Variants in TERB2 observed in about 807,000 individuals in gnomAD.
TERB2 encodes the protein telomere repeat binding bouquet formation protein 2.
TERB2 carries 26 observed loss-of-function variants against 29.8 expected under a neutral mutation model. That is an observed-to-expected ratio of 0.87 (90% CI 0.64 to 1.21). TERB2 has a LOEUF of 1.21. Ranked by LOEUF, TERB2 falls within the 50% of genes most tolerant of loss-of-function variation. TERB2 has a pLI of 0.00. For synonymous variants in TERB2, 80 were observed against 90.8 expected, an observed-to-expected ratio of 0.88 and a Z score of 0.68; for missense variants, 240 against 268.6, an observed-to-expected ratio of 0.89 and a Z score of 0.74.
Position 44,975,707 on chromosome 15 carries a change from C to T in TERB2, c.523+1752C>T, listed in dbSNP as rs534838099. Reference sequence around the variant, plus strand: ...CCCACTAGATACCAATAGCATCACCCATCTCTCCCCCAGTTGTGACAACCA... The same window carrying T: ...CCCACTAGATACCAATAGCATCACCTATCTCTCCCCCAGTTGTGACAACCA... On this transcript the variant is annotated intron_variant, in intron 6 of 6. Transcript: ENST00000340827. 3.3e-5 allele frequency among the ~76,000 whole-genome samples: 5 copies of T among 152,068 alleles called. No homozygotes were observed. In the East Asian group the frequency reaches 9.7e-4, roughly 29 times the overall value.
chr15:44,962,734 A>G (rs1382983609), intron 4 of TERB2: 1 of 152,248 alleles, frequency 6.6e-6, no homozygotes, highest in Non-Finnish European at 1.5e-5. Context: ...GACTTACTTC[A>G]AAATCTTTAA....
intron 6 of TERB2, among the ~76,000 whole-genome samples, chr15:44,975,173 T>A (rs1595479603): frequency 6.6e-6 from 1 of 152,206 alleles, no homozygotes; most frequent in African/African-American, 2.4e-5. Flanking sequence ...AAAGTAAAAA[T>A]TTTTAATCTT....
chr15:44,973,862 T>C lies in TERB2; in HGVS notation c.435-5T>C. ...GTGTGACTTTCTGTATGCTTTATTT[T>C]ACAGCCCAGAAAAGCATTTTATAAG... On this transcript the variant is annotated splice_polypyrimidine_tract_variant and splice_region_variant and intron_variant, in intron 5 of 6. Transcript: ENST00000340827. 1 of 1,576,820 alleles carries C rather than the reference T, an allele frequency of 6.3e-7. No individual in the cohort carries two copies. Among genetic ancestry groups the C allele is most frequent in the Non-Finnish European group, 8.6e-7 (1 of 1,159,288 alleles).
intron 2 of TERB2, among the ~76,000 whole-genome samples, 182 bp from the exon 3 acceptor site, chr15:44,958,191 T>C (rs1213872983): frequency 6.6e-6 from 1 of 152,240 alleles, no homozygotes; most frequent in Non-Finnish European, 1.5e-5. Flanking sequence ...GTGCCAGATA[T>C]AGGCCCCCAG....
intron 5 of TERB2, among the ~76,000 whole-genome samples, chr15:44,972,242 C>T (rs1265009864): frequency 1.1e-4 from 16 of 151,866 alleles, no homozygotes; most frequent in Admixed American, 2.6e-4. Flanking sequence ...CCACCCGCCT[C>T]GGCCTCCCAA....
intron 4 of TERB2, among the ~76,000 whole-genome samples, chr15:44,962,515 A>G (rs1181869224): frequency 6.6e-6 from 1 of 152,126 alleles, no homozygotes; most frequent in African/African-American, 2.4e-5. Context: ...CTGCCAGTGT[A>G]GACTCTGATT....
intron 1 of TERB2, 55 bp downstream of exon 1, chr15:44,956,837 C>T (rs1891722522): frequency 1.9e-6 from 3 of 1,609,506 alleles, no homozygotes; most frequent in South Asian, 1.1e-5. Context: ...ATCCTCCTCT[C>T]TCTGATGCTT....
intron 3 of TERB2, among the ~76,000 whole-genome samples, chr15:44,959,506 TACAGGCGCCCACCACC>T (rs1470000716): frequency 6.6e-6 from 1 of 152,120 alleles, no homozygotes; most frequent in African/African-American, 2.4e-5. Context: ...TAGCTGGGAC[TACAGGCGCCCACCACC>T]ACACCCGGCT....
intron 4 of TERB2, among the ~76,000 whole-genome samples, chr15:44,964,971 G>A (rs899494697): frequency 1.3e-5 from 2 of 151,750 alleles, no homozygotes; most frequent in African/African-American, 4.8e-5. Flanking sequence ...AAACCAACCT[G>A]GGCAACATGG....
At position 44,973,883 on chromosome 15, in the gene TERB2, A is replaced by G. The variant is rs762360257; in HGVS notation, c.451A>G (p.Ile151Val). The change falls in exon 6 of 7, where the codon ATA becomes GTA. Residue 151 changes from isoleucine to valine, a missense_variant. Physicochemically the swap from Ile to Val is conservative, Grantham distance 29. Transcript: ENST00000340827. ...ELSKSPEKHF[I>V]RTPVVEKQMY... ...ATTTTACAGCCCAGAAAAGCATTTT[A>G]TAAGAACTCCAGTTGTAGAAAAGCA... 1.9e-6 allele frequency: 3 copies of G among 1,595,360 alleles called. No homozygotes were observed. Among genetic ancestry groups the G allele is most frequent in the Non-Finnish European group, 2.6e-6 (3 of 1,169,492 alleles).
At position 44,956,722 on chromosome 15, in the gene TERB2, T is replaced by C; in HGVS notation, c.4T>C (p.Phe2Leu). The C allele has an allele frequency of 1.2e-6, 2 of 1,604,766 alleles. No homozygotes were observed. The highest frequency in any genetic ancestry group is 1.7e-6 in the Non-Finnish European group (2 of 1,176,200). M[F>L]QGQRGWFCGS... ...TCTCCACAGGCTTGGCGACGCCATG[T>C]TTCAAGGGCAGCGCGGTTGGTTTTG... The change falls in exon 1 of 7, where the codon TTT becomes CTT. Residue 2 changes from phenylalanine (F) to leucine (L), a missense_variant. Coordinates refer to ENST00000340827, the MANE Select transcript of TERB2 (RefSeq NM_152448.3).
At chr15:44,968,076 CCTG>C (rs1267722349) in intron 5 of TERB2, among the ~76,000 whole-genome samples, 3 of 132,164 alleles carry the variant, frequency 2.3e-5, no homozygotes, top group African/African-American at 9.0e-5. Flanking sequence ...CCTCAATTTA[CCTG>C]CTGAAGCATT....
At chr15:44,964,171 A>T (rs756088970) in intron 4 of TERB2, among the ~76,000 whole-genome samples, 2 of 152,258 alleles carry the variant, frequency 1.3e-5, no homozygotes, top group East Asian at 3.9e-4. Context: ...AGTTAGGGAG[A>T]AAATCTTTCA....
intron 5 of TERB2, among the ~76,000 whole-genome samples, chr15:44,969,853 G>T (rs1286245870): frequency 6.6e-6 from 1 of 151,282 alleles, no homozygotes; most frequent in Non-Finnish European, 1.5e-5. Flanking sequence ...TGGAGCTGGA[G>T]GGTATTCTTT....
rs1317515201 is a variant in TERB2, at chr15:44,965,459, G to GAT, written c.349-690_349-689dup. Among the ~76,000 whole-genome samples, 8 of 137,766 alleles carry GAT rather than the reference G, an allele frequency of 5.8e-5. No individual in the cohort carries two copies. In the South Asian group the frequency reaches 6.6e-4, roughly 11 times the overall value. 90.4% of individuals were successfully genotyped at this position (137,766 alleles called of 152,430 possible). ...AAATATATAAATATATATTTATAAA[G>GAT]ATATATATATTTATAAAGATATATA... On this transcript the variant is annotated intron_variant, in intron 4 of 6. Coordinates refer to ENST00000340827, the MANE Select transcript of TERB2 (RefSeq NM_152448.3).
At chr15:44,969,449 T>A (rs1228376271) in intron 5 of TERB2, among the ~76,000 whole-genome samples, 1 of 151,998 alleles carries the variant, frequency 6.6e-6, no homozygotes, top group Admixed American at 6.6e-5. Context: ...CTCACTATGC[T>A]GCTGAGGCTG....
At chr15:44,968,583 C>T (rs1595477563) in intron 5 of TERB2, among the ~76,000 whole-genome samples, 1 of 139,886 alleles carries the variant, frequency 7.1e-6, no homozygotes, top group Non-Finnish European at 1.5e-5. Flanking sequence ...TTTTGTTTAA[C>T]CTTTTTTTTT....
rs1281185422 is a variant in TERB2, at chr15:44,965,615, T to C, written c.349-543T>C. On this transcript the variant is annotated intron_variant, in intron 4 of 6. Transcript: ENST00000340827. ...TATAGATTTATATATTTAATAGATA[T>C]ATAAATATATATCTATATAAAGATA... Among the ~76,000 whole-genome samples the C allele has an allele frequency of 3.5e-5, 5 of 144,538 alleles. 1 individual carries two copies. Among genetic ancestry groups the C allele is most frequent in the Non-Finnish European group, 6.0e-5 (4 of 66,336 alleles). 94.8% of individuals were successfully genotyped at this position (144,538 alleles called of 152,430 possible).
At chr15:44,973,832 T>C in intron 5 of TERB2, 35 bp from the exon 6 acceptor site, 3 of 1,506,242 alleles carry the variant, frequency 2.0e-6, no homozygotes, top group South Asian at 2.6e-5. Flanking sequence ...ATATATACTA[T>C]GTATGTGTGA....
Sources: gnomAD v4.1 joint callset for allele counts (sites outside exome capture counted in the v4.1 genomes callset) on GRCh38, gnomAD v4.1.1 for gene constraint, MANE v1.5 for transcripts, NCBI Gene and HGNC (gene_info 2026-07-23, HGNC 2026-07-21) for gene names.